Variants in HBB observed in about 807,000 individuals in gnomAD.
HBB encodes the protein hemoglobin subunit beta, also known as Hb Monza protein.
A neutral mutation model predicts 9.7 loss-of-function variants in HBB; 18 were observed. That is an observed-to-expected ratio of 1.86 (90% CI 1.28 to 2.76). HBB has a LOEUF of 2.76. Among genes scored for constraint, HBB ranks in the 30% most tolerant of loss-of-function variants. The probability of loss-of-function intolerance (pLI) is 0.00; values close to 1 mark genes in which losing one functional copy is unlikely to be tolerated. For synonymous variants in HBB, 99 were observed against 73.6 expected (o/e 1.35, Z -1.77); for missense variants, 156 against 177.0 (o/e 0.88, Z 0.67).
In HBB at chr11:5,226,576, C is replaced by G. The variant is rs33945777; in HGVS notation, c.315+1G>C. ...AAACATCAAGCGTCCCATAGACTCA[C>G]CCTGAAGTTCTCAGGATCCACGTGC... is the stretch of plus-strand genomic sequence containing the variant. On this transcript the variant is annotated splice_donor_variant, in intron 2 of 2. Coordinates refer to ENST00000335295, the MANE Select transcript of HBB (RefSeq NM_000518.5). LOFTEE classifies it high-confidence loss of function. 1 of 1,613,530 alleles carries G rather than the reference C, an allele frequency of 6.2e-7. No individual in the cohort carries two copies. Among genetic ancestry groups the G allele is most frequent in the Non-Finnish European group, 8.5e-7 (1 of 1,179,480 alleles).
rs33932908 is a variant in HBB, at chr11:5,225,704, C to A, written c.338G>T (p.Cys113Phe). 6.2e-7 allele frequency: 1 copy of A among 1,614,084 alleles called. No homozygotes were observed. Among genetic ancestry groups the A allele is most frequent in the Non-Finnish European group, 8.5e-7 (1 of 1,179,974 alleles). ...NFRLLGNVLV[C>F]VLAHHFGKEF... is the part of the protein sequence containing the mutation. ...TTTGCCAAAGTGATGGGCCAGCACACAGACCAGCACGTTGCCCAGGAGCTG... is the reference window on the plus strand; with the variant it reads ...TTTGCCAAAGTGATGGGCCAGCACAAAGACCAGCACGTTGCCCAGGAGCTG... Residue 113 changes from cysteine to phenylalanine, a missense_variant, in exon 3 of 3, where the codon TGT becomes TTT. By Grantham distance (205) the Cys-to-Phe change is radical. Transcript: ENST00000335295.
In HBB at chr11:5,226,271, T is replaced by A. The variant is rs955334689; in HGVS notation, c.315+306A>T. The A allele has an allele frequency of 3.7e-6, 2 of 535,642 alleles. No individual in the cohort carries two copies. The highest frequency in any genetic ancestry group is 3.1e-5 in the East Asian group (1 of 31,878). The allele number at this position is 535,642 out of a possible 1,614,324, so 33.2% of individuals were successfully genotyped here. On this transcript the variant is annotated intron_variant, in intron 2 of 2. Coordinates refer to ENST00000335295, the MANE Select transcript of HBB (RefSeq NM_000518.5). Reference sequence around the variant, plus strand: ...TGTACTAGGCAGACTGTGTAAAGTTTTTTTTTAAGTTACTTAATGTATCTC... The same window carrying A: ...TGTACTAGGCAGACTGTGTAAAGTTATTTTTTAAGTTACTTAATGTATCTC...
Position 5,226,412 on chromosome 11 carries a change from CA to C in HBB, c.315+164del. 1.5e-6 allele frequency: 1 copy of C among 683,048 alleles called. No homozygotes were observed. The highest frequency in any genetic ancestry group is 2.7e-5 in the East Asian group (1 of 36,996). 42.3% of individuals were successfully genotyped at this position (683,048 alleles called of 1,614,324 possible). On this transcript the variant is annotated intron_variant, in intron 2 of 2. Transcript: ENST00000335295. ...AACAAAAGAAAACAATTGTTATGAA[CA>C]GCAAATAAAAGAAACTAAAACGATC... is the stretch of plus-strand genomic sequence containing the variant.
rs193922551 is a variant in HBB at position 5,226,721 on chromosome 11, G to A, written c.171C>T (p.Gly57=). 2.5e-6 allele frequency: 4 copies of A among 1,614,008 alleles called. No homozygotes were observed. The East Asian group carries it at 8.9e-5, about 36-fold the overall frequency. The part of the protein sequence containing the change: ...GDLSTPDAVM[G]NPKVKAHGKK... ...TGCCATGAGCCTTCACCTTAGGGTT[G>A]CCCATAACAGCATCAGGAGTGGACA... Residue 57 remains glycine, a synonymous_variant, in exon 2 of 3, where the codon GGC becomes GGT. Coordinates refer to ENST00000335295, the MANE Select transcript of HBB (RefSeq NM_000518.5).
chr11:5,225,844 C>A lies in HBB; in HGVS notation c.316-118G>T. 1 of 977,716 alleles carries A rather than the reference C, an allele frequency of 1.0e-6. No individual in the cohort carries two copies. Among genetic ancestry groups the A allele is most frequent in the Non-Finnish European group, 1.6e-6 (1 of 614,866 alleles). The allele number at this position is 977,716 out of a possible 1,614,324, so 60.6% of individuals were successfully genotyped here. A position where few individuals can be genotyped will look rare whatever the true frequency, so the allele number is the denominator to read the frequency against. On this transcript the variant is annotated intron_variant, in intron 2 of 2. Coordinates refer to ENST00000335295, the MANE Select transcript of HBB (RefSeq NM_000518.5). ...AAGCAGAATGGTAGCTGGATTGTAG[C>A]TGCTATTAGCAATATGAAACCTCTT... is the stretch of plus-strand genomic sequence containing the variant.
intron 2 of HBB, 54 bp from the exon 3 acceptor site, chr11:5,225,780 G>A: frequency 1.3e-6 from 2 of 1,594,888 alleles, no homozygotes; most frequent in South Asian, 1.1e-5. Flanking sequence ...GCCTAGCTTG[G>A]ACTCAGAATA....
chr11:5,226,438 C>A, intron 2 of HBB, 139 bp downstream of exon 2: 1 of 781,506 alleles, frequency 1.3e-6, no homozygotes, highest in South Asian at 1.5e-5. Context: ...CTAAAACGAT[C>A]CTGAGACTTC....
intron 2 of HBB, chr11:5,226,133 T>C: frequency 3.4e-6 from 1 of 294,514 alleles, no homozygotes; most frequent in East Asian, 8.3e-5. Context: ...ATTAAAACAT[T>C]ACACTTTAAC....
Position 5,225,671 on chromosome 11 carries a change from G to T in HBB, c.371C>A (p.Thr124Asn), listed in dbSNP as rs33935383. The T allele has an allele frequency of 1.3e-5, 21 of 1,613,884 alleles. No homozygotes were observed. The Middle Eastern group carries it at 4.9e-4, about 38-fold the overall frequency. Residue 124 changes from threonine (T) to asparagine (N), a missense_variant, in exon 3 of 3, where the codon ACC becomes AAC. Transcript: ENST00000335295. ...CTGATAGGCAGCCTGCACTGGTGGGGTGAATTCTTTGCCAAAGTGATGGGC... is the reference window on the plus strand; with the variant it reads ...CTGATAGGCAGCCTGCACTGGTGGGTTGAATTCTTTGCCAAAGTGATGGGC... The part of the protein sequence containing the change: ...VLAHHFGKEF[T>N]PPVQAAYQKV...
In HBB at chr11:5,226,884, G is replaced by A. The variant is rs1847576979; in HGVS notation, c.92+46C>T. The A allele has an allele frequency of 6.3e-7, 1 of 1,590,712 alleles. No homozygotes were observed. The highest frequency in any genetic ancestry group is 1.3e-5 in the African/African-American group (1 of 74,516). On this transcript the variant is annotated intron_variant, in intron 1 of 2. Transcript: ENST00000335295. ...AGTCTTCTCTGTCTCCACATGCCCA[G>A]TTTCTATTGGTCTCCTTAAACCTGT...
In HBB at chr11:5,226,837, C is replaced by T. The variant is rs370724350; in HGVS notation, c.93-38G>A. On this transcript the variant is annotated intron_variant, in intron 1 of 2. Transcript: ENST00000335295. The stretch of plus-strand genomic sequence containing the variant: ...AAATAGACCAATAGGCAGAGAGAGT[C>T]AGTGCCTATCAGAAACCCAAGAGTC... The T allele has an allele frequency of 9.4e-6, 15 of 1,599,162 alleles. No homozygotes were observed. The African/African-American group carries it at 1.9e-4, about 20-fold the overall frequency.
intron 2 of HBB, 83 bp from the exon 3 acceptor site, chr11:5,225,809 C>T: frequency 2.1e-6 from 3 of 1,453,558 alleles, no homozygotes; most frequent in Non-Finnish European, 2.9e-6. Context: ...TTATCCCAAC[C>T]ATAAAATAAA....
chr11:5,225,832 G>A lies in HBB; in HGVS notation c.316-106C>T, dbSNP rs34690599. The A allele has an allele frequency of 6.8e-6, 8 of 1,169,072 alleles. No homozygotes were observed. Among genetic ancestry groups the A allele is most frequent in the Non-Finnish European group, 9.0e-6 (7 of 780,334 alleles). The allele number at this position is 1,169,072 out of a possible 1,614,324, so 72.4% of individuals were successfully genotyped here. On this transcript the variant is annotated intron_variant, in intron 2 of 2. Coordinates refer to ENST00000335295, the MANE Select transcript of HBB (RefSeq NM_000518.5). ...ACCATAAAATAAAAGCAGAATGGTAGCTGGATTGTAGCTGCTATTAGCAAT... is the reference window on the plus strand; with the variant it reads ...ACCATAAAATAAAAGCAGAATGGTAACTGGATTGTAGCTGCTATTAGCAAT...
In HBB at chr11:5,226,506, C is replaced by G; in HGVS notation, c.315+71G>C. ...TCTAAACTGTACCCTGTTACTTATC[C>G]CCTTCCTATGACATGAACTTAACCA... On this transcript the variant is annotated intron_variant, in intron 2 of 2. Transcript: ENST00000335295. 1 of 1,373,212 alleles carries G rather than the reference C, an allele frequency of 7.3e-7. No homozygotes were observed. The highest frequency in any genetic ancestry group is 1.0e-6 in the Non-Finnish European group (1 of 961,018). 85.1% of individuals were successfully genotyped at this position (1,373,212 alleles called of 1,614,324 possible).
Position 5,226,250 on chromosome 11 carries a change from C to T in HBB, c.315+327G>A, listed in dbSNP as rs2133587175. 2.0e-6 allele frequency: 1 copy of T among 499,748 alleles called. No homozygotes were observed. Among genetic ancestry groups the T allele is most frequent in the Non-Finnish European group, 3.5e-6 (1 of 281,708 alleles). 31.0% of individuals were successfully genotyped at this position (499,748 alleles called of 1,614,324 possible). On this transcript the variant is annotated intron_variant, in intron 2 of 2. Transcript: ENST00000335295. ...CACATATATTCCAAATAGTAATGTA[C>T]TAGGCAGACTGTGTAAAGTTTTTTT... is the stretch of plus-strand genomic sequence containing the variant.
At position 5,226,617 on chromosome 11, in the gene HBB, A is replaced by C. The variant is rs33917785; in HGVS notation, c.275T>G (p.Leu92Arg). The change falls in exon 2 of 3, where the codon CTG becomes CGG. Residue 92 changes from leucine to arginine, a missense_variant. By Grantham distance (102) the Leu-to-Arg change is moderately radical. Transcript: ENST00000335295. ...ATCCACGTGCAGCTTGTCACAGTGC[A>C]GCTCACTCAGTGTGGCAAAGGTGCC... The part of the protein sequence containing the change: ...LKGTFATLSE[L>R]HCDKLHVDPE... 6.2e-7 allele frequency: 1 copy of C among 1,614,148 alleles called. No individual in the cohort carries two copies. The highest frequency in any genetic ancestry group is 1.3e-5 in the African/African-American group (1 of 75,038).
At chr11:5,226,355 G>A (rs1281453619) in intron 2 of HBB, 2 of 604,782 alleles carry the variant, frequency 3.3e-6, no homozygotes, top group Admixed American at 5.9e-5. Context: ...AGTAAAAATT[G>A]CGGAGAAGAA....
rs281864544 is a variant in HBB at position 5,225,666 on chromosome 11, G to GT, written c.375dup (p.Pro126ThrfsTer15). Reference sequence around the variant, plus strand: ...ACTTTCTGATAGGCAGCCTGCACTGGTGGGGTGAATTCTTTGCCAAAGTGA... The same window carrying GT: ...ACTTTCTGATAGGCAGCCTGCACTGGTTGGGGTGAATTCTTTGCCAAAGTGA... On this transcript the variant is annotated frameshift_variant, in exon 3 of 3. Transcript: ENST00000335295. LOFTEE classifies it high-confidence loss of function. 6.2e-7 allele frequency: 1 copy of GT among 1,614,016 alleles called. No individual in the cohort carries two copies. The highest frequency in any genetic ancestry group is 8.5e-7 in the Non-Finnish European group (1 of 1,179,878).
rs34196559 is a variant in HBB at position 5,227,027 on chromosome 11, CTGTT to C, written c.-10_-7del. ...TCAGGAGTCAGATGCACCATGGTGT[CTGTT>C]TGAGGTTGCTAGTGAACACAGTTGT... On this transcript the variant is annotated 5_prime_UTR_variant, in exon 1 of 3. Transcript: ENST00000335295. 1.8e-5 allele frequency: 28 copies of C among 1,575,652 alleles called. No homozygotes were observed. The highest frequency in any genetic ancestry group is 1.3e-4 in the East Asian group (6 of 44,770).
Sources: allele counts gnomAD v4.1 joint callset, GRCh38; gene constraint gnomAD v4.1.1; transcripts MANE v1.5; gene names NCBI Gene and HGNC (gene_info 2026-07-23, HGNC 2026-07-21).